The following ATP7B variants were observed in gnomAD, a reference collection of about 807,000 sequenced individuals.
The protein encoded by ATP7B is ATPase copper transporting beta.
In ATP7B, 113 loss-of-function variants were observed where a neutral mutation model predicts 118.9. The ratio of observed to expected loss-of-function variants is 0.95; its 90% confidence interval spans 0.82 to 1.11. The LOEUF (loss-of-function observed/expected upper bound fraction) is 1.11, where lower values mean the gene tolerates loss of function less well. ATP7B is among the 50% of genes most tolerant of loss of function. The probability of loss-of-function intolerance (pLI) is 0.00; values close to 1 mark genes in which losing one functional copy is unlikely to be tolerated. For missense variants in ATP7B, 1,867 were observed against 1,871.4 expected (o/e 1.00, Z 0.04); for synonymous variants, 777 against 727.4 (o/e 1.07, Z -1.10).
At chr13:51,935,820 G>A in intron 19 of ATP7B, 125 bp from the exon 20 acceptor site, 1 of 786,926 alleles carries the variant, frequency 1.3e-6, no homozygotes, top group South Asian at 1.9e-5. Context: ...GTGCTCAGAA[G>A]CCCCTGCCAA....
At chr13:51,961,758 G>C (rs1958757343) in intron 6 of ATP7B, 79 bp downstream of exon 6, 1 of 1,387,888 alleles carries the variant, frequency 7.2e-7, no homozygotes, top group Non-Finnish European at 1.0e-6. Flanking sequence ...GGGAAGACAA[G>C]ACCAGCTGGC....
chr13:51,951,492 G>A (rs1958003745), intron 9 of ATP7B, among the ~76,000 whole-genome samples: 1 of 152,194 alleles, frequency 6.6e-6, no homozygotes, highest in Admixed American at 6.5e-5. Context: ...GAAGTGGAAA[G>A]AAGAGGTCAG....
chr13:51,970,702 T>C lies in ATP7B; in HGVS notation c.1333A>G (p.Met445Val), dbSNP rs1566582088. ...GGTGTACCATCTGTAGTTTGCACCATGGAATTCCCAGCACTGTGGTTTCCA... is the reference window on the plus strand; with the variant it reads ...GGTGTACCATCTGTAGTTTGCACCACGGAATTCCCAGCACTGTGGTTTCCA... ...PLGNHSAGNS[M>V]VQTTDGTPTS... The change falls in exon 3 of 21, where the codon ATG (methionine) becomes GTG (valine). Residue 445 changes from methionine (M) to valine (V), a missense_variant. Transcript: ENST00000242839. 6.2e-7 allele frequency: 1 copy of C among 1,614,194 alleles called. No homozygotes were observed.
chr13:51,973,931 G>A lies in ATP7B; in HGVS notation c.1285+4C>T, dbSNP rs1951966647. 1.9e-6 allele frequency: 3 copies of A among 1,614,228 alleles called. No homozygotes were observed. Among genetic ancestry groups the A allele is most frequent in the Non-Finnish European group, 2.5e-6 (3 of 1,180,032 alleles). On this transcript the variant is annotated splice_donor_region_variant and intron_variant, in intron 2 of 20. Coordinates refer to ENST00000242839, the MANE Select transcript of ATP7B (RefSeq NM_000053.4). ...TCAGGACATGCCTCAAACACACTAC[G>A]TACCAGAAACGACTGAAGCCTCAAA...
chr13:51,954,279 C>G (rs1958198047), intron 9 of ATP7B, among the ~76,000 whole-genome samples: 1 of 152,246 alleles, frequency 6.6e-6, no homozygotes, highest in South Asian at 2.1e-4. Context: ...GATGGCAAGA[C>G]AGGCTGGGCT....
In ATP7B at chr13:51,963,749, A is replaced by AAAC. The variant is rs1555292880; in HGVS notation, c.1869+1122_1869+1123insGTT. Among the ~76,000 whole-genome samples the AAAC allele has an allele frequency of 8.2e-4, 123 of 149,444 alleles. 1 individual carries two copies. Among genetic ancestry groups the AAAC allele is most frequent in the African/African-American group, 2.9e-3 (118 of 40,018 alleles). On this transcript the variant is annotated intron_variant, in intron 5 of 20. Coordinates refer to ENST00000242839, the MANE Select transcript of ATP7B (RefSeq NM_000053.4). ...GAGACCACGTCTCAAAAAAAAAAAAAAAAAAAAAAACTCTCCAAGGCCGGG... is the reference window on the plus strand; with the variant it reads ...GAGACCACGTCTCAAAAAAAAAAAAAAACAAAAAAAAAACTCTCCAAGGCCGGG...
At chr13:51,941,059 G>A (rs760098934) in intron 16 of ATP7B, 22 bp downstream of exon 16, 2 of 1,614,186 alleles carry the variant, frequency 1.2e-6, no homozygotes, top group Admixed American at 1.7e-5. Flanking sequence ...GAGAGCGGAA[G>A]GAAGGCAGAA....
rs1191860285 is a variant in ATP7B, at chr13:51,937,671, G to C, written c.3708C>G (p.Ile1236Met). 2.5e-6 allele frequency: 4 copies of C among 1,614,220 alleles called. No homozygotes were observed. Among genetic ancestry groups the C allele is most frequent in the Non-Finnish European group, 3.4e-6 (4 of 1,180,052 alleles). The change falls in exon 18 of 21, where the codon ATC becomes ATG. Residue 1236 changes from isoleucine (I) to methionine (M), a missense_variant. Coordinates refer to ENST00000242839, the MANE Select transcript of ATP7B (RefSeq NM_000053.4). ...TARAIATQVG[I>M]NKVFAEVLPS... is the part of the protein sequence containing the mutation. ...GCAGCACCTCTGCAAAGACTTTGTT[G>C]ATGCCAACCTAAGACAAAAGGAAGG... is the stretch of plus-strand genomic sequence containing the variant.
chr13:52,007,429 T>C (rs1295380614), intron 1 of ATP7B, among the ~76,000 whole-genome samples: 1 of 152,232 alleles, frequency 6.6e-6, no homozygotes, highest in African/African-American at 2.4e-5. Context: ...TCTGATCTCC[T>C]GTTCTATCAC....
intron 12 of ATP7B, among the ~76,000 whole-genome samples, chr13:51,946,959 A>T (rs567590384): frequency 1.3e-5 from 2 of 152,382 alleles, no homozygotes; most frequent in South Asian, 2.1e-4. Context: ...AGGAAAGCTT[A>T]AAAATGCTAT....
intron 1 of ATP7B, chr13:51,975,533 AG>A: frequency 1.9e-6 from 1 of 524,574 alleles, no homozygotes; most frequent in South Asian, 1.4e-5. Context: ...GGGAAGGCAC[AG>A]GTATCCCAAA....
Position 51,939,127 on chromosome 13 carries a change from G to A in ATP7B, c.3623C>T (p.Thr1208Met), listed in dbSNP as rs370713752. 47 of 1,614,200 alleles carry A rather than the reference G, an allele frequency of 2.9e-5. No homozygotes were observed. The highest frequency in any genetic ancestry group is 1.6e-4 in the Middle Eastern group (1 of 6,062). The change falls in exon 17 of 21, where the codon ACG becomes ATG. Residue 1208 changes from threonine (T) to methionine (M), a missense_variant. Physicochemically the swap from Thr to Met is moderately conservative, Grantham distance 81. Coordinates refer to ENST00000242839, the MANE Select transcript of ATP7B (RefSeq NM_000053.4). ...VKQEAALAVH[T>M]LQSMGVDVVL... ...CACGTCCACACCCATGCTCTGCAGC[G>A]TGTGCACAGCCAGGGCAGCCTCCTG...
At chr13:51,994,690 C>T (rs901523944) in intron 1 of ATP7B, among the ~76,000 whole-genome samples, 5 of 152,130 alleles carry the variant, frequency 3.3e-5, no homozygotes, top group African/African-American at 1.2e-4. Flanking sequence ...GGACTTTAAC[C>T]AATGAACAGC....
rs9596621 is a variant in ATP7B at position 51,955,083 on chromosome 13, T to C, written c.2447+2433A>G. ...ACTTGGAGTAAAGAGAAAGCACAAG[T>C]GTCCCCAGCAAAGGGATGGTCAGAG... On this transcript the variant is annotated intron_variant, in intron 9 of 20. Transcript: ENST00000242839. Among the ~76,000 whole-genome samples, 522 of 152,230 alleles carry C rather than the reference T, an allele frequency of 3.4e-3. 2 individuals are homozygous for C. Among genetic ancestry groups the C allele is most frequent in the African/African-American group, 0.011 (459 of 41,524 alleles).
chr13:51,957,779 C>G, intron 8 of ATP7B, 172 bp from the exon 9 acceptor site: 1 of 659,282 alleles, frequency 1.5e-6, no homozygotes, highest in South Asian at 1.6e-5. Context: ...CACATGGCCA[C>G]ATGTCACTTC....
Position 51,949,721 on chromosome 13 carries a change from A to C in ATP7B, c.2806T>G (p.Leu936Val), listed in dbSNP as rs367855110. ...AAACCGATTACAATCCATACCACCA[A>C]CGTCAAAGTTGACATGATGATGATA... ...PFIIIMSTLT[L>V]VVWIVIGFID... The change falls in exon 12 of 21, where the codon TTG (leucine) becomes GTG (valine). Residue 936 changes from leucine to valine, a missense_variant. Physicochemically the swap from Leu to Val is conservative, Grantham distance 32. Coordinates refer to ENST00000242839, the MANE Select transcript of ATP7B (RefSeq NM_000053.4). 3.4e-4 allele frequency: 552 copies of C among 1,613,998 alleles called. 1 individual carries two copies. Among genetic ancestry groups the C allele is most frequent in the Non-Finnish European group, 4.6e-4 (542 of 1,180,016 alleles).
intron 5 of ATP7B, among the ~76,000 whole-genome samples, chr13:51,963,106 A>C (rs1185887691): frequency 6.6e-6 from 1 of 152,074 alleles, no homozygotes; most frequent in Non-Finnish European, 1.5e-5. Flanking sequence ...AAAAAAAAGA[A>C]AGAAAGAAAT....
intron 15 of ATP7B, among the ~76,000 whole-genome samples, chr13:51,941,538 T>C (rs1466919563): frequency 1.3e-5 from 2 of 152,204 alleles, no homozygotes; most frequent in East Asian, 1.9e-4. Flanking sequence ...TCTGCAGGGA[T>C]TAGAAGCACT....
intron 1 of ATP7B, among the ~76,000 whole-genome samples, chr13:51,989,701 C>T (rs1952821872): frequency 6.6e-6 from 1 of 152,150 alleles, no homozygotes; most frequent in Admixed American, 6.5e-5. Flanking sequence ...TTAGAAAACC[C>T]ATTCACAATC....
Sources: gnomAD v4.1 joint callset for allele counts (sites outside exome capture counted in the v4.1 genomes callset) on GRCh38, gnomAD v4.1.1 for gene constraint, MANE v1.5 for transcripts, NCBI Gene and HGNC (gene_info 2026-07-23, HGNC 2026-07-21) for gene names.